UBA6: variants seen among roughly 807,000 people sequenced by gnomAD.
UBA6 encodes ubiquitin-like modifier-activating enzyme 6.
A neutral mutation model predicts 148.3 loss-of-function variants in UBA6; 87 were observed. That is an observed-to-expected ratio of 0.59 (90% CI 0.49 to 0.70). The LOEUF (loss-of-function observed/expected upper bound fraction) is 0.70, where lower values mean the gene tolerates loss of function less well. UBA6 is among the 30% of genes least tolerant of loss of function. The pLI is 0.00. For missense variants in UBA6, 1,186 were observed against 1,241.2 expected, an observed-to-expected ratio of 0.96 and a Z score of 0.67; for synonymous variants, 376 against 401.0, an observed-to-expected ratio of 0.94 and a Z score of 0.75.
At chr4:67,691,747 T>C (rs899405885) in intron 2 of UBA6, among the ~76,000 whole-genome samples, 15 of 152,080 alleles carry the variant, frequency 9.9e-5, no homozygotes, top group Non-Finnish European at 1.6e-4. Flanking sequence ...TCTGCAGCTA[T>C]GGTTGCCTGA....
intron 27 of UBA6, 81 bp from the exon 28 acceptor site, chr4:67,626,558 T>C: frequency 1.2e-6 from 1 of 848,624 alleles, no homozygotes; most frequent in Non-Finnish European, 1.8e-6. Flanking sequence ...TTTATCAAAT[T>C]ACAAAGAGAA....
intron 1 of UBA6, among the ~76,000 whole-genome samples, chr4:67,698,833 G>A (rs1730903107): frequency 1.3e-5 from 2 of 151,948 alleles, no homozygotes; most frequent in Admixed American, 6.6e-5. Context: ...AGTAGCAGGC[G>A]CCTGTATTCC....
chr4:67,665,322 A>C, intron 9 of UBA6, 30 bp from the exon 10 acceptor site: 1 of 1,305,816 alleles, frequency 7.7e-7, no homozygotes, highest in Non-Finnish European at 1.1e-6. Context: ...AAAAATCATT[A>C]CACAGGGATA....
At chr4:67,684,592 T>G (rs1191049916) in intron 2 of UBA6, among the ~76,000 whole-genome samples, 3 of 152,226 alleles carry the variant, frequency 2.0e-5, no homozygotes, top group South Asian at 4.1e-4. Flanking sequence ...AATTTTACAG[T>G]TGCATGTGTT....
chr4:67,668,440 A>G lies in UBA6; in HGVS notation c.793+111T>C, dbSNP rs1730060885. ...ACTTGGATCGAATATTTTGAGGCCAAGGGCTTTGGATCATGTCTCTCTGAG... is the reference window on the plus strand; with the variant it reads ...ACTTGGATCGAATATTTTGAGGCCAGGGGCTTTGGATCATGTCTCTCTGAG... On this transcript the variant is annotated intron_variant, in intron 9 of 32. Transcript: ENST00000322244. The G allele has an allele frequency of 4.0e-6, 4 of 997,222 alleles. No individual in the cohort carries two copies. The African/African-American group carries it at 4.9e-5, about 12-fold the overall frequency. 61.8% of individuals were successfully genotyped at this position (997,222 alleles called of 1,614,324 possible).
At chr4:67,681,242 AC>A (rs527834962) in intron 4 of UBA6, among the ~76,000 whole-genome samples, 87 of 152,346 alleles carry the variant, frequency 5.7e-4, no homozygotes, top group Middle Eastern at 3.4e-3. Context: ...TTTTAAAGAT[AC>A]TACTAAAATA....
At chr4:67,656,295 A>T (rs1163364621) in intron 13 of UBA6, among the ~76,000 whole-genome samples, 1 of 152,252 alleles carries the variant, frequency 6.6e-6, no homozygotes, top group Non-Finnish European at 1.5e-5. Context: ...AATACTGGCA[A>T]ACTGAATCCA....
At chr4:67,623,584 G>A (rs1039455113) in intron 30 of UBA6, among the ~76,000 whole-genome samples, 6 of 152,088 alleles carry the variant, frequency 3.9e-5, no homozygotes, top group Admixed American at 2.0e-4. Flanking sequence ...GATAAATAAT[G>A]CCAGAATAAT....
At chr4:67,638,817 TGAG>T (rs1729232651) in intron 19 of UBA6, 123 bp downstream of exon 19, 1 of 615,772 alleles carries the variant, frequency 1.6e-6, no homozygotes, top group Non-Finnish European at 2.8e-6. Context: ...GGTTTGTGTT[TGAG>T]GAGTACTACA....
intron 2 of UBA6, among the ~76,000 whole-genome samples, chr4:67,688,653 G>A (rs1355424281): frequency 6.6e-6 from 1 of 152,022 alleles, no homozygotes; most frequent in Non-Finnish European, 1.5e-5. Flanking sequence ...AGATTCAGTA[G>A]TAATAAGAAA....
chr4:67,683,587 T>A (rs201476520), intron 2 of UBA6, among the ~76,000 whole-genome samples: 1 of 150,490 alleles, frequency 6.6e-6, no homozygotes, highest in Non-Finnish European at 1.5e-5. Flanking sequence ...TTTTTTTTTT[T>A]AGTTCATCAG....
chr4:67,624,295 A>G, intron 29 of UBA6, 42 bp from the exon 30 acceptor site: 1 of 1,543,484 alleles, frequency 6.5e-7, no homozygotes. Context: ...ACAGCCTAAA[A>G]CTATCCGTGA....
At position 67,634,282 on chromosome 4, in the gene UBA6, T is replaced by G. The variant is rs768376373; in HGVS notation, c.1973A>C (p.Lys658Thr). 6.3e-7 allele frequency: 1 copy of G among 1,596,778 alleles called. No homozygotes were observed. Among genetic ancestry groups the G allele is most frequent in the Non-Finnish European group, 8.5e-7 (1 of 1,175,596 alleles). Reference protein sequence around the residue: ...SFSHKPSLFNKFWQTYSSAEE... With the variant: ...SFSHKPSLFNTFWQTYSSAEE... ...TGCAGATGAATAGGTTTGCCAAAATTTGTTAAACAATGAAGGTTTGTGGGA... is the reference window on the plus strand; with the variant it reads ...TGCAGATGAATAGGTTTGCCAAAATGTGTTAAACAATGAAGGTTTGTGGGA... The change falls in exon 22 of 33, where the codon AAA (lysine) becomes ACA (threonine). Residue 658 changes from lysine to threonine, a missense_variant. Physicochemically the swap from Lys to Thr is moderately conservative, Grantham distance 78. Transcript: ENST00000322244.
At chr4:67,684,163 C>T (rs1252785050) in intron 2 of UBA6, among the ~76,000 whole-genome samples, 1 of 152,196 alleles carries the variant, frequency 6.6e-6, no homozygotes, top group Non-Finnish European at 1.5e-5. Context: ...GTATCAAAGT[C>T]TCTGCAATTT....
chr4:67,616,296 T>G lies in UBA6; in HGVS notation c.*2701A>C. 2.6e-6 allele frequency: 1 copy of G among 386,248 alleles called. No individual in the cohort carries two copies. Among genetic ancestry groups the G allele is most frequent in the East Asian group, 3.6e-5 (1 of 27,500 alleles). The allele number at this position is 386,248 out of a possible 1,614,324, so 23.9% of individuals were successfully genotyped here. On this transcript the variant is annotated 3_prime_UTR_variant, in exon 33 of 33. Transcript: ENST00000322244. ...ATGAATATTCATTATAGTGGAAAGA[T>G]TTAGGTCACGAGATTTTTTTTTTCC...
rs149483501 is a variant in UBA6, at chr4:67,619,093, A to G, written c.3063T>C (p.Tyr1021=). Residue 1021 remains tyrosine (Y), a synonymous_variant, in exon 33 of 33, where the codon TAT becomes TAC. Transcript: ENST00000322244. The part of the protein sequence containing the change: ...KLVKPTTEKK[Y]VDLTVSFAPD... ...GAGCAAATGACACAGTAAGATCCAC[A>G]TATTTCTTTTCAGTAGTAGGTTTTA... 5.0e-5 allele frequency: 80 copies of G among 1,611,416 alleles called. No individual in the cohort carries two copies. The African/African-American group carries it at 9.6e-4, about 19-fold the overall frequency.
intron 3 of UBA6, 124 bp downstream of exon 3, chr4:67,681,995 T>G: frequency 1.4e-6 from 1 of 707,914 alleles, no homozygotes; most frequent in South Asian, 2.0e-5. Context: ...GATTAAAAAC[T>G]CAATCTGATC....
At chr4:67,672,815 G>A (rs943501640) in intron 7 of UBA6, among the ~76,000 whole-genome samples, 4 of 151,810 alleles carry the variant, frequency 2.6e-5, no homozygotes, top group South Asian at 4.2e-4. Context: ...CTCATTACTC[G>A]GAGCCCTACT....
chr4:67,649,109 A>G lies in UBA6; in HGVS notation c.1207T>C (p.Leu403=), dbSNP rs1729491840. The G allele has an allele frequency of 3.7e-6, 6 of 1,614,100 alleles. No individual in the cohort carries two copies. The highest frequency in any genetic ancestry group is 4.2e-6 in the Non-Finnish European group (5 of 1,179,972). ...GAAAATTTTCCTGTTACAGCTTTCA[A>G]TACTTCTTGGCTGGCAACACCTCCT... The part of the protein sequence containing the change: ...AVGGVASQEV[L]KAVTGKFSPL... The change falls in exon 14 of 33, where the codon TTG becomes CTG. Residue 403 remains leucine, a synonymous_variant. Transcript: ENST00000322244.
Sources: allele counts gnomAD v4.1 joint callset (sites outside exome capture counted in the v4.1 genomes callset), GRCh38; gene constraint gnomAD v4.1.1; transcripts MANE v1.5; gene names NCBI Gene and HGNC (gene_info 2026-07-23, HGNC 2026-07-21).